TRHDE: variants seen among roughly 807,000 people sequenced by gnomAD.
TRHDE encodes the protein thyrotropin releasing hormone degrading enzyme.
In TRHDE, 72 loss-of-function variants were observed where a neutral mutation model predicts 125.7. The observed-to-expected ratio is 0.57, with a 90% CI of 0.47 to 0.70. The LOEUF is 0.70. Among genes scored for constraint, TRHDE ranks in the 30% least tolerant of loss-of-function variants. TRHDE has a pLI of 0.00. For synonymous variants in TRHDE, 509 were observed against 509.1 expected (o/e 1.00, Z 0.00); for missense variants, 1,110 against 1,327.1 (o/e 0.84, Z 2.54).
At chr12:72,634,552 C>T (rs1347962455) in intron 15 of TRHDE, among the ~76,000 whole-genome samples, 1 of 151,406 alleles carries the variant, frequency 6.6e-6, no homozygotes, top group African/African-American at 2.4e-5. Flanking sequence ...GCACAATGTG[C>T]ACGTTACTTA....
At chr12:72,095,252 G>T (rs1283466715) in intron 1 of TRHDE, among the ~76,000 whole-genome samples, 1 of 152,172 alleles carries the variant, frequency 6.6e-6, no homozygotes, top group Non-Finnish European at 1.5e-5. Flanking sequence ...CCCTGTTATT[G>T]CCATTCTCAG....
At chr12:72,520,224 G>A (rs564655121) in intron 6 of TRHDE, among the ~76,000 whole-genome samples, 4 of 152,326 alleles carry the variant, frequency 2.6e-5, no homozygotes, top group South Asian at 2.1e-4. Context: ...GCAATGGCGG[G>A]CGCCCCTCCC....
intron 6 of TRHDE, among the ~76,000 whole-genome samples, chr12:72,533,832 T>G (rs1592518626): frequency 1.3e-5 from 2 of 152,028 alleles, no homozygotes; most frequent in Admixed American, 1.3e-4. Flanking sequence ...ATGCAAATGC[T>G]ATTTCCTACA....
At chr12:72,359,840 G>T (rs550585882) in intron 2 of TRHDE, among the ~76,000 whole-genome samples, 25 of 151,702 alleles carry the variant, frequency 1.6e-4, no homozygotes, top group Admixed American at 1.4e-3. Flanking sequence ...AAAGGAAAGG[G>T]TATTGGTCTT....
chr12:72,317,590 C>G (rs529550183), intron 2 of TRHDE, among the ~76,000 whole-genome samples: 2 of 152,190 alleles, frequency 1.3e-5, no homozygotes, highest in Admixed American at 1.3e-4. Context: ...AGACACTAAT[C>G]CCATTCATGA....
chr12:72,597,733 A>G (rs1385960273), intron 12 of TRHDE, among the ~76,000 whole-genome samples: 12 of 7,866 alleles, frequency 1.5e-3, no homozygotes, highest in African/African-American at 3.0e-3. Context: ...ATATATATAT[A>G]TATATATATA....
intron 3 of TRHDE, among the ~76,000 whole-genome samples, chr12:72,391,437 C>T (rs1229813878): frequency 2.0e-5 from 3 of 152,020 alleles, no homozygotes; most frequent in African/African-American, 7.3e-5. Flanking sequence ...GTCCCAAATG[C>T]CATTTTTTAG....
chr12:72,655,999 C>T lies in TRHDE; in HGVS notation c.2985-928C>T, dbSNP rs541517499. On this transcript the variant is annotated intron_variant, in intron 17 of 18. Transcript: ENST00000261180. The stretch of plus-strand genomic sequence containing the variant: ...AAATCTTAAATTAGATGCTTAAGAG[C>T]CTACAAGTTAGGGAAGCACTGGAAA... 1.3e-3 allele frequency among the ~76,000 whole-genome samples: 197 copies of T among 152,148 alleles called. 1 individual carries two copies. Among genetic ancestry groups the T allele is most frequent in the South Asian group, 9.6e-3 (46 of 4,816 alleles).
chr12:72,256,485 CCTAT>C (rs1188244912), intron 2 of TRHDE: 2 of 151,898 alleles, frequency 1.3e-5, no homozygotes, highest in African/African-American at 2.4e-5. Context: ...TCCCTATCGC[CCTAT>C]CTATTTTACT....
At chr12:72,472,242 C>T (rs866019639) in intron 4 of TRHDE, among the ~76,000 whole-genome samples, 56 of 152,242 alleles carry the variant, frequency 3.7e-4, no homozygotes, top group African/African-American at 1.2e-3. Flanking sequence ...TGAGGAGGAA[C>T]ATTATCTAAC....
At chr12:72,639,499 G>C (rs940629352) in intron 15 of TRHDE, among the ~76,000 whole-genome samples, 2 of 152,110 alleles carry the variant, frequency 1.3e-5, no homozygotes, top group Non-Finnish European at 2.9e-5. Flanking sequence ...CCTTCTCTCA[G>C]CTCATCAAAG....
At chr12:72,481,282 A>G (rs1024879290) in intron 5 of TRHDE, among the ~76,000 whole-genome samples, 6 of 151,420 alleles carry the variant, frequency 4.0e-5, no homozygotes, top group South Asian at 2.1e-4. Flanking sequence ...TCCCTAGACA[A>G]GGATGCCAGA....
At chr12:72,585,515 C>T (rs1565800052) in intron 12 of TRHDE, among the ~76,000 whole-genome samples, 1 of 152,230 alleles carries the variant, frequency 6.6e-6, no homozygotes, top group Non-Finnish European at 1.5e-5. Context: ...TCTGAACCGA[C>T]CCCTTTCCTA....
At chr12:72,200,313 A>T (rs1373750256) in intron 2 of TRHDE, among the ~76,000 whole-genome samples, 2 of 152,154 alleles carry the variant, frequency 1.3e-5, no homozygotes, top group East Asian at 3.9e-4. Flanking sequence ...TAGAAAAGAT[A>T]GTGAGGAGGA....
At chr12:72,409,000 C>G (rs943266060) in intron 3 of TRHDE, among the ~76,000 whole-genome samples, 1 of 152,000 alleles carries the variant, frequency 6.6e-6, no homozygotes, top group South Asian at 2.1e-4. Context: ...TGCAAATGTT[C>G]CTGAACAGAA....
intron 6 of TRHDE, among the ~76,000 whole-genome samples, chr12:72,508,618 G>C (rs1433224281): frequency 6.6e-6 from 1 of 152,174 alleles, no homozygotes. Context: ...AGGTGGAAGA[G>C]GTTTGCCTTA....
chr12:72,455,502 A>G (rs1592457866), intron 3 of TRHDE, among the ~76,000 whole-genome samples: 4 of 152,120 alleles, frequency 2.6e-5, no homozygotes, highest in African/African-American at 9.7e-5. Context: ...TTCTGTAGAA[A>G]TATTTTTTCT....
chr12:72,498,777 G>A (rs780899842), intron 5 of TRHDE, among the ~76,000 whole-genome samples: 1 of 152,140 alleles, frequency 6.6e-6, no homozygotes, highest in Non-Finnish European at 1.5e-5. Flanking sequence ...TCAACATGCA[G>A]AGAATGGAAG....
intron 15 of TRHDE, among the ~76,000 whole-genome samples, chr12:72,632,573 T>G (rs942235788): frequency 6.6e-6 from 1 of 151,988 alleles, no homozygotes; most frequent in Non-Finnish European, 1.5e-5. Flanking sequence ...GTTCAGTGTT[T>G]TAGACTGAGT....
Sources: allele counts gnomAD v4.1 joint callset (sites outside exome capture counted in the v4.1 genomes callset), GRCh38; gene constraint gnomAD v4.1.1; transcripts MANE v1.5; gene names NCBI Gene and HGNC (gene_info 2026-07-23, HGNC 2026-07-21).